Variants in COL18A1 observed in about 807,000 individuals in gnomAD.
COL18A1 encodes collagen type XVIII alpha 1 chain, also known as collagen alpha-1(XVIII) chain.
COL18A1 carries 133 observed loss-of-function variants against 168.0 expected under a neutral mutation model. That is an observed-to-expected ratio of 0.79 (90% confidence interval 0.69 to 0.91). The LOEUF is 0.91. Ranked by LOEUF, COL18A1 falls within the 40% of genes least tolerant of loss-of-function variation. The probability of loss-of-function intolerance (pLI) is 0.00; values close to 1 mark genes in which losing one functional copy is unlikely to be tolerated. For synonymous variants in COL18A1, 949 were observed against 809.0 expected (o/e 1.17, Z -2.94); for missense variants, 2,126 against 1,925.4 (o/e 1.10, Z -1.95).
chr21:45,509,982 GCGGGGCCGGGGTGGTGCGCC>G (rs2037478311), intron 39 of COL18A1, 62 bp from the exon 40 acceptor site: 1 of 1,464,618 alleles, frequency 6.8e-7, no homozygotes, highest in South Asian at 1.2e-5. Context: ...CCACACAGGT[GCGGGGCCGGGGTGGTGCGCC>G]CGGGGCCTGG....
At position 45,422,001 on chromosome 21, in the gene COL18A1, G is replaced by A. The variant is rs537827962; in HGVS notation, c.106+16528G>A. 1.1e-3 allele frequency among the ~76,000 whole-genome samples: 168 copies of A among 152,160 alleles called. 3 individuals are homozygous for A. Among genetic ancestry groups the A allele is most frequent in the African/African-American group, 3.9e-3 (163 of 41,506 alleles). On this transcript the variant is annotated intron_variant, in intron 2 of 41. Transcript: ENST00000651438. ...AACACACTCACACAGACACACGCTC[G>A]GGCCGATACGCACACATGGCTGTCA...
chr21:45,481,438 T>C (rs2035890424), intron 13 of COL18A1, among the ~76,000 whole-genome samples: 1 of 152,110 alleles, frequency 6.6e-6, no homozygotes, highest in South Asian at 2.1e-4. Flanking sequence ...TGGCCTGGGG[T>C]CACTCGGTAG....
chr21:45,507,311 CCCT>C (rs1373160035), intron 37 of COL18A1: 2 of 567,758 alleles, frequency 3.5e-6, no homozygotes, highest in African/African-American at 4.0e-5. Context: ...AGGGAGGGCA[CCCT>C]CCTGTGGGCT....
At chr21:45,503,184 C>T (rs1370878375) in intron 32 of COL18A1, among the ~76,000 whole-genome samples, 1 of 152,188 alleles carries the variant, frequency 6.6e-6, no homozygotes, top group African/African-American at 2.4e-5. Context: ...TACAGTCCCA[C>T]CAACAGTGTA....
rs180692113 is a variant in COL18A1 at position 45,407,093 on chromosome 21, C to A, written c.106+1620C>A. On this transcript the variant is annotated intron_variant, in intron 2 of 41. Transcript: ENST00000651438. ...GCATGCTGCCCACACACCCCTCCCC[C>A]AGCCCGGAGAGAACTCAGGCTCCAG... 9.8e-3 allele frequency among the ~76,000 whole-genome samples: 1,496 copies of A among 152,334 alleles called. 14 individuals are homozygous for A. The highest frequency in any genetic ancestry group is 0.041 in the Middle Eastern group (12 of 294).
At chr21:45,484,752 G>T (rs972867152) in intron 15 of COL18A1, among the ~76,000 whole-genome samples, 5 of 152,196 alleles carry the variant, frequency 3.3e-5, no homozygotes, top group African/African-American at 9.7e-5. Context: ...ACATGTATTT[G>T]TAGTGTGTGT....
chr21:45,494,710 G>T lies in COL18A1; in HGVS notation c.2379+139G>T. On this transcript the variant is annotated intron_variant, in intron 27 of 41. Transcript: ENST00000651438. ...TGCAGTTTTAAAGCGTGTGGGGCAG[G>T]TGTCGGCGTGAGGCTGCAGTGGGCT... 2.9e-6 allele frequency: 4 copies of T among 1,391,094 alleles called. No individual in the cohort carries two copies. The Admixed American group carries it at 7.4e-5, about 26-fold the overall frequency. 86.2% of individuals were successfully genotyped at this position (1,391,094 alleles called of 1,614,324 possible).
At chr21:45,441,052 C>T (rs936328983) in intron 2 of COL18A1, among the ~76,000 whole-genome samples, 4 of 152,336 alleles carry the variant, frequency 2.6e-5, no homozygotes, top group African/African-American at 9.6e-5. Flanking sequence ...ACCCCGGGGA[C>T]ACCCGCCTTT....
chr21:45,487,493 G>A lies in COL18A1; in HGVS notation c.1880G>A (p.Ser627Asn), dbSNP rs779552548. The A allele has an allele frequency of 1.9e-6, 3 of 1,613,122 alleles. No homozygotes were observed. The highest frequency in any genetic ancestry group is 1.1e-5 in the South Asian group (1 of 91,086). ...SGGPFWSTAR[S>N]ADGPQGPPGL... The stretch of plus-strand genomic sequence containing the variant: ...GGGCCCTTCTGGTCAACAGCCCGAA[G>A]CGCTGATGGGCCACAGGTAGTGTTG... Residue 627 changes from serine (S) to asparagine (N), a missense_variant, in exon 17 of 42, where the codon AGC becomes AAC. Ser to Asn is a conservative substitution (Grantham distance 46, BLOSUM62 1). Coordinates refer to ENST00000651438, the MANE Select transcript of COL18A1 (RefSeq NM_001379500.1).
Position 45,492,569 on chromosome 21 carries a change from G to T in COL18A1, c.2187+5G>T. The T allele has an allele frequency of 6.2e-7, 1 of 1,613,198 alleles. No homozygotes were observed. Among genetic ancestry groups the T allele is most frequent in the Non-Finnish European group, 8.5e-7 (1 of 1,179,998 alleles). Reference sequence around the variant, plus strand: ...CTGAGCGTGCCGGGACCTGAGGTATGTGCCTGCCCAGCTTCTAAGAGACGG... The same window carrying T: ...CTGAGCGTGCCGGGACCTGAGGTATTTGCCTGCCCAGCTTCTAAGAGACGG... On this transcript the variant is annotated splice_donor_5th_base_variant and intron_variant, in intron 23 of 41. Coordinates refer to ENST00000651438, the MANE Select transcript of COL18A1 (RefSeq NM_001379500.1).
At chr21:45,493,904 C>A in intron 26 of COL18A1, 1 of 371,906 alleles carries the variant, frequency 2.7e-6, no homozygotes, top group Non-Finnish European at 5.0e-6. Flanking sequence ...TGTACCAGCT[C>A]AGCCTCAGCA....
intron 36 of COL18A1, 50 bp from the exon 37 acceptor site, chr21:45,505,788 C>T (rs1195514242): frequency 7.8e-7 from 1 of 1,278,622 alleles, no homozygotes; most frequent in Admixed American, 1.9e-5. Context: ...TCCGCCCCTG[C>T]CCCCCGCCCT....
intron 2 of COL18A1, among the ~76,000 whole-genome samples, chr21:45,452,910 CAT>C (rs931249582): frequency 2.5e-4 from 38 of 150,010 alleles, no homozygotes; most frequent in East Asian, 1.8e-3. Flanking sequence ...CATGTATGTA[CAT>C]GTGTGTGAGT....
intron 2 of COL18A1, among the ~76,000 whole-genome samples, chr21:45,441,242 A>G (rs987820328): frequency 1.3e-5 from 2 of 151,942 alleles, no homozygotes; most frequent in African/African-American, 2.4e-5. Flanking sequence ...CCTCACCTCT[A>G]CTTCTGGCAC....
Position 45,498,272 on chromosome 21 carries a change from C to T in COL18A1, c.2683+611C>T, listed in dbSNP as rs1468172266. Reference sequence around the variant, plus strand: ...GCAGAAGCCCAGAGAGCCAGGCTAGCCTCGGGCGCCTTTCACCACCAGGGT... The same window carrying T: ...GCAGAAGCCCAGAGAGCCAGGCTAGTCTCGGGCGCCTTTCACCACCAGGGT... On this transcript the variant is annotated intron_variant, in intron 32 of 41. Coordinates refer to ENST00000651438, the MANE Select transcript of COL18A1 (RefSeq NM_001379500.1). The surrounding 1 kb of genome is among the most constrained non-coding windows in gnomAD (Gnocchi z 4.5). 2 of 706,932 alleles carry T rather than the reference C, an allele frequency of 2.8e-6. No individual in the cohort carries two copies. The highest frequency in any genetic ancestry group is 3.0e-5 in the South Asian group (2 of 67,554). 43.8% of individuals were successfully genotyped at this position (706,932 alleles called of 1,614,324 possible).
chr21:45,405,352 G>GGGTCCTGCGGT (rs1569270402), intron 1 of COL18A1, 27 bp from the exon 2 acceptor site: 2 of 1,181,928 alleles, frequency 1.7e-6, no homozygotes, highest in African/African-American at 3.3e-5. Flanking sequence ...GGTCCTGCGG[G>GGGTCCTGCGGT]GTCTGACCCG....
At chr21:45,452,785 A>G (rs2034658795) in intron 2 of COL18A1, among the ~76,000 whole-genome samples, 2 of 149,666 alleles carry the variant, frequency 1.3e-5, no homozygotes, top group South Asian at 4.2e-4. Context: ...CTGACGTGTG[A>G]GCATGCATGT....
chr21:45,482,134 C>G (rs545489722), intron 14 of COL18A1, 109 bp downstream of exon 14: 6 of 835,468 alleles, frequency 7.2e-6, no homozygotes, highest in South Asian at 5.9e-5. Flanking sequence ...AGGAATAGCC[C>G]CCCATCACAG....
At chr21:45,493,380 C>A in intron 25 of COL18A1, 121 bp from the exon 26 acceptor site, 1 of 1,285,234 alleles carries the variant, frequency 7.8e-7, no homozygotes, top group East Asian at 2.5e-5. Flanking sequence ...CCTGTGGTCA[C>A]CTCCCGTGAA....
Sources: allele counts gnomAD v4.1 joint callset (sites outside exome capture counted in the v4.1 genomes callset), GRCh38; gene constraint gnomAD v4.1.1; non-coding constraint Gnocchi (gnomAD v3.1); transcripts MANE v1.5; gene names NCBI Gene and HGNC (gene_info 2026-07-23, HGNC 2026-07-21).